Variants in HTRA3 observed in about 807,000 individuals in gnomAD.
HTRA3 encodes HtrA serine peptidase 3.
Under a neutral mutation model 43.2 loss-of-function variants are expected in HTRA3, and 41 were observed. That is an observed-to-expected ratio of 0.95 (90% confidence interval 0.74 to 1.23). The LOEUF is 1.23. Among genes scored for constraint, HTRA3 ranks in the 50% most tolerant of loss-of-function variants. The probability of loss-of-function intolerance (pLI) is 0.00; values close to 1 mark genes in which losing one functional copy is unlikely to be tolerated. For synonymous variants in HTRA3, 295 were observed against 287.9 expected (o/e 1.02, Z -0.25); for missense variants, 628 against 647.1 (o/e 0.97, Z 0.32).
At position 8,291,355 on chromosome 4, in the gene HTRA3, CCTT is replaced by C. The variant is rs772811079; in HGVS notation, c.709-12_709-10del. On this transcript the variant is annotated splice_polypyrimidine_tract_variant and intron_variant, in intron 3 of 8. Coordinates refer to ENST00000307358, the MANE Select transcript of HTRA3 (RefSeq NM_053044.5). ...CTAAGCCTCCCTCTCTGTGTCTTCT[CCTT>C]CTCTCTCCTAGAAAAAGCTCCCTGT... 6.2e-7 allele frequency: 1 copy of C among 1,611,306 alleles called. No homozygotes were observed. The highest frequency in any genetic ancestry group is 2.2e-5 in the East Asian group (1 of 44,882).
intron 1 of HTRA3, among the ~76,000 whole-genome samples, chr4:8,274,858 C>A (rs1292481044): frequency 6.6e-6 from 1 of 152,202 alleles, no homozygotes; most frequent in Non-Finnish European, 1.5e-5. Flanking sequence ...GGCATTTAAT[C>A]ACCGGCTTTT....
rs949923870 is a variant in HTRA3, at chr4:8,297,735, AC to A, written c.1051+3539del. Among the ~76,000 whole-genome samples, 1 of 151,740 alleles carries A rather than the reference AC, an allele frequency of 6.6e-6. No individual in the cohort carries two copies. Among genetic ancestry groups the A allele is most frequent in the Non-Finnish European group, 1.5e-5 (1 of 67,912 alleles). ...CTGTGCAGGTCCTGTCGAGGATCCC[AC>A]CCCCTGGATTTAGAAGCCACCTAGA... On this transcript the variant is annotated intron_variant, in intron 6 of 8. Coordinates refer to ENST00000307358, the MANE Select transcript of HTRA3 (RefSeq NM_053044.5). This position sits in a 1 kb window ranked among gnomAD's most constrained non-coding sequence, Gnocchi z 5.8.
intron 4 of HTRA3, among the ~76,000 whole-genome samples, chr4:8,291,816 T>C (rs573873845): frequency 2.0e-5 from 3 of 152,364 alleles, no homozygotes; most frequent in African/African-American, 4.8e-5. Flanking sequence ...AACAGAGGCA[T>C]GGCCACAGCC....
intron 8 of HTRA3, 60 bp from the exon 9 acceptor site, chr4:8,305,911 G>A: frequency 1.3e-6 from 2 of 1,598,618 alleles, no homozygotes; most frequent in Non-Finnish European, 1.7e-6. Flanking sequence ...TCTGGGCCGG[G>A]CCTGGGAAGG....
In HTRA3 at chr4:8,306,213, G is replaced by A. The variant is rs1021890175; in HGVS notation, c.*77G>A. The stretch of plus-strand genomic sequence containing the variant: ...AGCGCCCCCCCGAGATCAGGACGAA[G>A]GACCACCGTCGGTCCTCAGCAGGGC... On this transcript the variant is annotated 3_prime_UTR_variant, in exon 9 of 9. Transcript: ENST00000307358. This position sits in a 1 kb window ranked among gnomAD's most constrained non-coding sequence, Gnocchi z 8.9. 1 of 1,439,654 alleles carries A rather than the reference G, an allele frequency of 6.9e-7. No homozygotes were observed. Among genetic ancestry groups the A allele is most frequent in the Non-Finnish European group, 9.3e-7 (1 of 1,079,822 alleles). 89.2% of individuals were successfully genotyped at this position (1,439,654 alleles called of 1,614,324 possible). A position where few individuals can be genotyped will look rare whatever the true frequency, so the allele number is the denominator to read the frequency against.
chr4:8,301,062 TCA>T (rs1477278386), intron 6 of HTRA3, among the ~76,000 whole-genome samples: 1 of 151,586 alleles, frequency 6.6e-6, no homozygotes, highest in Non-Finnish European at 1.5e-5. Context: ...TATTATCGAT[TCA>T]CACTCTTTAT....
In HTRA3 at chr4:8,306,802, G is replaced by A. The variant is rs1184951283; in HGVS notation, c.*666G>A. Reference sequence around the variant, plus strand: ...GGGAGCACGTGGAAAGTTGGCTGCTGCCTGGGGAAGCTTCTCCTCCCCAAG... The same window carrying A: ...GGGAGCACGTGGAAAGTTGGCTGCTACCTGGGGAAGCTTCTCCTCCCCAAG... On this transcript the variant is annotated 3_prime_UTR_variant, in exon 9 of 9. Coordinates refer to ENST00000307358, the MANE Select transcript of HTRA3 (RefSeq NM_053044.5). The surrounding 1 kb of genome is among the most constrained non-coding windows in gnomAD (Gnocchi z 8.9). 6.5e-6 allele frequency: 1 copy of A among 152,738 alleles called. No individual in the cohort carries two copies. The highest frequency in any genetic ancestry group is 2.1e-4 in the South Asian group (1 of 4,834). The allele number at this position is 152,738 out of a possible 1,614,324, so 9.5% of individuals were successfully genotyped here.
rs1712656530 is a variant in HTRA3, at chr4:8,279,481, A to G, written c.386-2956A>G. On this transcript the variant is annotated intron_variant, in intron 1 of 8. Transcript: ENST00000307358. The surrounding 1 kb of genome is among the most constrained non-coding windows in gnomAD (Gnocchi z 7.4). The stretch of plus-strand genomic sequence containing the variant: ...GTGCAGATCTTCAGGCTGCCGCGTC[A>G]GAGCTCAGGGGCCCAGCAGCCCAGG... Among the ~76,000 whole-genome samples the G allele has an allele frequency of 6.6e-6, 1 of 152,014 alleles. No individual in the cohort carries two copies. Among genetic ancestry groups the G allele is most frequent in the Non-Finnish European group, 1.5e-5 (1 of 67,992 alleles).
intron 6 of HTRA3, among the ~76,000 whole-genome samples, chr4:8,301,007 TATTG>T (rs1012969256): frequency 1.3e-5 from 2 of 151,622 alleles, no homozygotes; most frequent in Non-Finnish European, 2.9e-5. Flanking sequence ...CACTCATCTT[TATTG>T]ATTCACACTC....
intron 1 of HTRA3, 96 bp downstream of exon 1, chr4:8,270,449 G>A (rs886334648): frequency 2.3e-6 from 3 of 1,294,620 alleles, no homozygotes; most frequent in Non-Finnish European, 2.0e-6. Flanking sequence ...CCCTTCCCTG[G>A]GCACCACCGG....
intron 6 of HTRA3, among the ~76,000 whole-genome samples, chr4:8,298,631 G>A (rs1332310714): frequency 6.6e-6 from 1 of 151,956 alleles, no homozygotes; most frequent in Admixed American, 6.6e-5. Flanking sequence ...TACTTTTTGA[G>A]GTTTCAGATT....
At chr4:8,287,270 C>G (rs4432734) in intron 3 of HTRA3, among the ~76,000 whole-genome samples, 101,238 of 152,074 alleles carry the variant, frequency 0.67, 35,278 homozygotes, top group African/African-American at 0.87. Flanking sequence ...GAATCCTCTT[C>G]TTCCTCCACC....
chr4:8,294,268 C>A (rs1416950498), intron 6 of HTRA3, 67 bp downstream of exon 6: 13 of 1,202,694 alleles, frequency 1.1e-5, no homozygotes, highest in Admixed American at 4.0e-5. Context: ...CCCCTTAACA[C>A]CCCAGCCCTG....
chr4:8,306,192 C>A lies in HTRA3; in HGVS notation c.*56C>A, dbSNP rs1713843041. ...AGCCTGCAGACAACGGAGGGCAGCGCCCCCCCGAGATCAGGACGAAGGACC... is the reference window on the plus strand; with the variant it reads ...AGCCTGCAGACAACGGAGGGCAGCGACCCCCCGAGATCAGGACGAAGGACC... On this transcript the variant is annotated 3_prime_UTR_variant, in exon 9 of 9. Transcript: ENST00000307358. The surrounding 1 kb of genome is among the most constrained non-coding windows in gnomAD (Gnocchi z 8.9). 1.3e-6 allele frequency: 2 copies of A among 1,489,142 alleles called. No homozygotes were observed. The highest frequency in any genetic ancestry group is 1.8e-6 in the Non-Finnish European group (2 of 1,110,570). 92.2% of individuals were successfully genotyped at this position (1,489,142 alleles called of 1,614,324 possible).
chr4:8,300,965 ATT>A (rs1485976326), intron 6 of HTRA3, among the ~76,000 whole-genome samples: 3 of 145,296 alleles, frequency 2.1e-5, no homozygotes, highest in Admixed American at 6.8e-5. Flanking sequence ...CAGCTTTATT[ATT>A]GAGTCACACT....
At chr4:8,304,574 C>G (rs1214256796) in intron 8 of HTRA3, among the ~76,000 whole-genome samples, 9 of 151,396 alleles carry the variant, frequency 5.9e-5, no homozygotes, top group Non-Finnish European at 1.3e-4. Flanking sequence ...TAGCTGGGGA[C>G]CAGCCTGGGT....
At chr4:8,303,972 C>A (rs778748699) in intron 7 of HTRA3, among the ~76,000 whole-genome samples, 3 of 152,222 alleles carry the variant, frequency 2.0e-5, no homozygotes, top group Non-Finnish European at 4.4e-5. Context: ...TCTCTCCTCT[C>A]TTCACGCTTC....
chr4:8,276,032 C>T (rs762552357), intron 1 of HTRA3, among the ~76,000 whole-genome samples: 6 of 152,334 alleles, frequency 3.9e-5, no homozygotes, highest in South Asian at 2.1e-4. Context: ...AAAGATATGG[C>T]GAGGACACGT....
intron 5 of HTRA3, 142 bp from the exon 6 acceptor site, chr4:8,293,945 A>G: frequency 1.7e-6 from 1 of 598,428 alleles, no homozygotes; most frequent in Non-Finnish European, 3.0e-6. Context: ...CCTGAGAGTG[A>G]GCTTTTCAGG....
Sources: allele counts gnomAD v4.1 joint callset (sites outside exome capture counted in the v4.1 genomes callset), GRCh38; gene constraint gnomAD v4.1.1; non-coding constraint Gnocchi (gnomAD v3.1); transcripts MANE v1.5; gene names NCBI Gene and HGNC (gene_info 2026-07-23, HGNC 2026-07-21).